TRAPPC3L: variants seen among roughly 807,000 people sequenced by gnomAD.
TRAPPC3L encodes trafficking protein particle complex subunit 3-like protein.
A neutral mutation model predicts 23.7 loss-of-function variants in TRAPPC3L; 23 were observed. The ratio of observed to expected loss-of-function variants is 0.97; its 90% CI spans 0.70 to 1.37. The LOEUF (loss-of-function observed/expected upper bound fraction) is 1.37, where lower values mean the gene tolerates loss of function less well. TRAPPC3L is among the 40% of genes most tolerant of loss of function. The pLI is 0.00. For missense variants in TRAPPC3L, 212 were observed against 216.8 expected, an observed-to-expected ratio of 0.98 and a Z score of 0.14; for synonymous variants, 81 against 77.9, an observed-to-expected ratio of 1.04 and a Z score of -0.21.
chr6:116,514,586 T>C (rs982585886), intron 3 of TRAPPC3L, among the ~76,000 whole-genome samples: 1 of 152,096 alleles, frequency 6.6e-6, no homozygotes, highest in Admixed American at 6.6e-5. Context: ...GTGAAGAAAC[T>C]GAGATAAAAA....
chr6:116,538,349 C>G (rs9488960), intron 3 of TRAPPC3L, among the ~76,000 whole-genome samples: 5,003 of 152,280 alleles, frequency 0.033, 266 homozygotes, highest in African/African-American at 0.11. Context: ...GACCCTACAT[C>G]GTGTGACAGA....
intron 3 of TRAPPC3L, among the ~76,000 whole-genome samples, chr6:116,525,793 A>G (rs1449824605): frequency 6.6e-6 from 1 of 152,224 alleles, no homozygotes; most frequent in East Asian, 1.9e-4. Context: ...AGATATATGC[A>G]TTATTCGGCA....
intron 3 of TRAPPC3L, among the ~76,000 whole-genome samples, chr6:116,527,562 T>C (rs575872026): frequency 5.5e-4 from 81 of 146,860 alleles, no homozygotes; most frequent in African/African-American, 2.0e-3. Context: ...ATGTGTTAAG[T>C]AAATGTGTAT....
chr6:116,531,489 T>C (rs1478963162), intron 3 of TRAPPC3L, among the ~76,000 whole-genome samples: 6 of 152,120 alleles, frequency 3.9e-5, no homozygotes, highest in Non-Finnish European at 8.8e-5. Flanking sequence ...CCACAAAGAC[T>C]TGCTGCTGAG....
At chr6:116,512,517 G>A (rs1372138198) in intron 3 of TRAPPC3L, among the ~76,000 whole-genome samples, 1 of 152,048 alleles carries the variant, frequency 6.6e-6, no homozygotes, top group African/African-American at 2.4e-5. Context: ...AGTCTCTCTG[G>A]GTCTGTAAAT....
chr6:116,545,684 G>A lies in TRAPPC3L; in HGVS notation c.-170C>T, dbSNP rs542306692. 33 of 456,378 alleles carry A rather than the reference G, an allele frequency of 7.2e-5. No homozygotes were observed. The highest frequency in any genetic ancestry group is 3.1e-4 in the East Asian group (9 of 28,760). 28.3% of individuals were successfully genotyped at this position (456,378 alleles called of 1,614,324 possible). ...TTTTGCTCTTTGCTGAGCTGAAGAGGGAAAAAAACCATGAACAACAGGATT... is the reference window on the plus strand; with the variant it reads ...TTTTGCTCTTTGCTGAGCTGAAGAGAGAAAAAAACCATGAACAACAGGATT... On this transcript the variant is annotated 5_prime_UTR_variant, in exon 1 of 5. Transcript: ENST00000368602.
chr6:116,497,174 T>A, intron 4 of TRAPPC3L, 101 bp from the exon 5 acceptor site: 1 of 1,422,810 alleles, frequency 7.0e-7, no homozygotes, highest in Non-Finnish European at 9.3e-7. Flanking sequence ...CCTTAAGAAA[T>A]GATTTTTAAA....
intron 3 of TRAPPC3L, among the ~76,000 whole-genome samples, chr6:116,532,176 T>C (rs1471686672): frequency 1.3e-5 from 2 of 152,182 alleles, no homozygotes; most frequent in Non-Finnish European, 2.9e-5. Flanking sequence ...TAAAGACAAA[T>C]GTGGAGCACT....
intron 3 of TRAPPC3L, among the ~76,000 whole-genome samples, chr6:116,510,783 AATAG>A (rs1772100531): frequency 6.6e-6 from 1 of 152,138 alleles, no homozygotes; most frequent in Non-Finnish European, 1.5e-5. Flanking sequence ...TCAACTGATG[AATAG>A]ATAAAGAAAC....
intron 4 of TRAPPC3L, among the ~76,000 whole-genome samples, chr6:116,499,683 A>T (rs556384439): frequency 1.2e-4 from 19 of 152,248 alleles, no homozygotes; most frequent in Admixed American, 1.0e-3. Context: ...TCTACCTGTT[A>T]GATTATTTTT....
At chr6:116,512,209 G>GA in intron 3 of TRAPPC3L, 3 of 1,603,910 alleles carry the variant, frequency 1.9e-6, no homozygotes, top group Non-Finnish European at 2.5e-6. Context: ...ATGAAGAACT[G>GA]AAACTCTCCC....
At chr6:116,539,346 C>T (rs935236262) in intron 3 of TRAPPC3L, among the ~76,000 whole-genome samples, 15 of 151,984 alleles carry the variant, frequency 9.9e-5, no homozygotes, top group African/African-American at 3.6e-4. Flanking sequence ...GGAAGATACT[C>T]GAATAACAGT....
At chr6:116,499,326 A>G (rs982997485) in intron 4 of TRAPPC3L, among the ~76,000 whole-genome samples, 1 of 152,182 alleles carries the variant, frequency 6.6e-6, no homozygotes, top group Non-Finnish European at 1.5e-5. Flanking sequence ...ACCTGAGGTT[A>G]CCATCATAAC....
chr6:116,511,949 A>G (rs1278005573), intron 3 of TRAPPC3L: 1 of 1,614,018 alleles, frequency 6.2e-7, no homozygotes, highest in Non-Finnish European at 8.5e-7. Context: ...TGTGAATCCC[A>G]GGAAAATCTT....
chr6:116,503,940 C>A (rs1447666559), intron 3 of TRAPPC3L, among the ~76,000 whole-genome samples: 1 of 152,218 alleles, frequency 6.6e-6, no homozygotes, highest in East Asian at 1.9e-4. Context: ...AAAATTAACA[C>A]CCTAACATCA....
At chr6:116,509,091 TAAAAAAA>T (rs56112495) in intron 3 of TRAPPC3L, among the ~76,000 whole-genome samples, 2 of 128,042 alleles carry the variant, frequency 1.6e-5, no homozygotes, top group African/African-American at 6.1e-5. Context: ...ATAAGAGTTG[TAAAAAAA>T]AAAAAAAAAA....
chr6:116,498,291 T>C (rs936044813), intron 4 of TRAPPC3L, among the ~76,000 whole-genome samples: 1 of 152,208 alleles, frequency 6.6e-6, no homozygotes, highest in Non-Finnish European at 1.5e-5. Context: ...CATAAACACT[T>C]ATAATGCTTT....
chr6:116,525,256 A>G (rs12192126), intron 3 of TRAPPC3L, among the ~76,000 whole-genome samples: 67,883 of 152,002 alleles, frequency 0.45, 15,935 homozygotes, highest in Middle Eastern at 0.61. Context: ...TATTCTTAAT[A>G]TCCTCTTGGG....
chr6:116,527,062 T>C (rs1772450447), intron 3 of TRAPPC3L, among the ~76,000 whole-genome samples: 1 of 152,166 alleles, frequency 6.6e-6, no homozygotes, highest in Non-Finnish European at 1.5e-5. Flanking sequence ...ACTCTTAACA[T>C]CAAGGAGGGA....
Sources: gnomAD v4.1 joint callset for allele counts (sites outside exome capture counted in the v4.1 genomes callset) on GRCh38, gnomAD v4.1.1 for gene constraint, MANE v1.5 for transcripts, NCBI Gene and HGNC (gene_info 2026-07-23, HGNC 2026-07-21) for gene names.